Variants in DLG2 observed in about 807,000 individuals in gnomAD.
The protein encoded by DLG2 is discs large MAGUK scaffold protein 2.
In DLG2, 45 loss-of-function variants were observed where a neutral mutation model predicts 132.5. That is an observed-to-expected ratio of 0.34 (90% CI 0.27 to 0.44). DLG2 has a LOEUF of 0.44. DLG2 is among the 20% of genes least tolerant of loss of function. The pLI is 1.00. For missense variants in DLG2, 1,045 were observed against 1,196.9 expected (o/e 0.87, Z 1.87); for synonymous variants, 424 against 419.6 (o/e 1.01, Z -0.13).
intron 18 of DLG2, among the ~76,000 whole-genome samples, chr11:83,718,650 G>A (rs1231836437): frequency 1.3e-5 from 2 of 151,862 alleles, no homozygotes; most frequent in African/African-American, 2.4e-5. Context: ...TTATTTTAGC[G>A]AGGTAAGTAT....
At chr11:84,849,697 C>T (rs1047612816) in intron 6 of DLG2, among the ~76,000 whole-genome samples, 14 of 152,040 alleles carry the variant, frequency 9.2e-5, no homozygotes, top group East Asian at 3.9e-4. Flanking sequence ...TCTTCAGTTA[C>T]GATATGTCAC....
intron 18 of DLG2, among the ~76,000 whole-genome samples, chr11:83,635,836 C>A (rs1181534227): frequency 1.3e-5 from 2 of 152,140 alleles, no homozygotes; most frequent in Admixed American, 1.3e-4. Context: ...AAACAGGGAT[C>A]TTGGTGTATA....
At chr11:85,204,073 T>C (rs1284538954) in intron 4 of DLG2, among the ~76,000 whole-genome samples, 2 of 152,116 alleles carry the variant, frequency 1.3e-5, no homozygotes. Flanking sequence ...AACCGACAGC[T>C]AACAACATAC....
chr11:85,300,959 G>A (rs1248971987), intron 3 of DLG2, among the ~76,000 whole-genome samples: 1 of 152,128 alleles, frequency 6.6e-6, no homozygotes, highest in African/African-American at 2.4e-5. Flanking sequence ...CCAGCACTTT[G>A]GTAGGCAGAG....
chr11:84,494,036 G>A (rs568414412), intron 7 of DLG2, among the ~76,000 whole-genome samples: 4 of 152,252 alleles, frequency 2.6e-5, no homozygotes, highest in African/African-American at 9.6e-5. Context: ...AGGCAGTAGG[G>A]ACAAGTGTCA....
At chr11:85,128,345 A>G (rs561420732) in intron 5 of DLG2, among the ~76,000 whole-genome samples, 1 of 152,188 alleles carries the variant, frequency 6.6e-6, no homozygotes, top group East Asian at 1.9e-4. Context: ...GAGAAAATAT[A>G]GAATAATGTT....
intron 8 of DLG2, among the ~76,000 whole-genome samples, chr11:84,240,118 G>A (rs1329938407): frequency 6.6e-6 from 1 of 152,152 alleles, no homozygotes; most frequent in African/African-American, 2.4e-5. Context: ...TTAAACGGAC[G>A]AACAATGTCC....
At chr11:84,886,417 G>C (rs926616757) in intron 6 of DLG2, among the ~76,000 whole-genome samples, 3 of 151,980 alleles carry the variant, frequency 2.0e-5, no homozygotes, top group Non-Finnish European at 4.4e-5. Flanking sequence ...AAAAAATAAG[G>C]AAGATGTTTA....
At chr11:85,623,100 G>C (rs2081835476) in intron 2 of DLG2, among the ~76,000 whole-genome samples, 1 of 150,836 alleles carries the variant, frequency 6.6e-6, no homozygotes, top group Non-Finnish European at 1.5e-5. Flanking sequence ...ACATTCTTCA[G>C]CTTCCTTTGA....
intron 5 of DLG2, among the ~76,000 whole-genome samples, chr11:85,123,189 G>A (rs1416304223): frequency 1.3e-5 from 2 of 151,296 alleles, no homozygotes; most frequent in African/African-American, 4.9e-5. Context: ...GTGTTAGCAA[G>A]GATGGTCTCG....
chr11:83,475,713 C>CT, intron 22 of DLG2, among the ~76,000 whole-genome samples: 1 of 134,348 alleles, frequency 7.4e-6, no homozygotes, highest in Non-Finnish European at 1.7e-5. Flanking sequence ...TTTCTCTCTT[C>CT]TTTTTTTCTT....
intron 3 of DLG2, among the ~76,000 whole-genome samples, chr11:85,430,564 T>G (rs2091105320): frequency 6.6e-6 from 1 of 152,164 alleles, no homozygotes; most frequent in South Asian, 2.1e-4. Context: ...TAATGATATC[T>G]TATGAGCTAA....
intron 6 of DLG2, among the ~76,000 whole-genome samples, chr11:84,945,799 G>A (rs1334877719): frequency 6.6e-6 from 1 of 152,046 alleles, no homozygotes; most frequent in African/African-American, 2.4e-5. Flanking sequence ...ACGTCCACTG[G>A]GATCCAGGAT....
At chr11:85,526,050 A>G in intron 3 of DLG2, among the ~76,000 whole-genome samples, 1 of 152,206 alleles carries the variant, frequency 6.6e-6, no homozygotes, top group East Asian at 1.9e-4. Context: ...CCACTAGCCA[A>G]AATGTAAACC....
At chr11:85,246,542 C>G (rs1454416054) in intron 4 of DLG2, among the ~76,000 whole-genome samples, 8 of 151,230 alleles carry the variant, frequency 5.3e-5, no homozygotes, top group Non-Finnish European at 8.9e-5. Flanking sequence ...GTCCCTCCCC[C>G]TCACCCCCTC....
At chr11:85,091,446 A>T (rs1189335894) in intron 6 of DLG2, among the ~76,000 whole-genome samples, 2 of 152,180 alleles carry the variant, frequency 1.3e-5, no homozygotes, top group Middle Eastern at 3.2e-3. Context: ...GGCAATTTTT[A>T]AAAATAAGAC....
intron 7 of DLG2, among the ~76,000 whole-genome samples, chr11:84,373,441 G>A (rs183874851): frequency 4.0e-5 from 6 of 151,794 alleles, no homozygotes; most frequent in Admixed American, 2.0e-4. Context: ...ATGATGGCAC[G>A]TGCCTGGAAT....
chr11:84,545,364 GC>G (rs768440557), intron 6 of DLG2: 34 of 525,008 alleles, frequency 6.5e-5, no homozygotes, highest in Non-Finnish European at 1.1e-4. Flanking sequence ...ATCCATTATA[GC>G]CATCCCACTG....
intron 8 of DLG2, among the ~76,000 whole-genome samples, chr11:84,196,762 C>T (rs1392457397): frequency 6.6e-6 from 1 of 151,636 alleles, no homozygotes; most frequent in African/African-American, 2.4e-5. Flanking sequence ...TAATGATGGC[C>T]GAGTGCAGTG....
Sources: gnomAD v4.1 joint callset for allele counts (sites outside exome capture counted in the v4.1 genomes callset) on GRCh38, gnomAD v4.1.1 for gene constraint, MANE v1.5 for transcripts, NCBI Gene and HGNC (gene_info 2026-07-23, HGNC 2026-07-21) for gene names.